ATG12: variants seen among roughly 807,000 people sequenced by gnomAD.
The protein encoded by ATG12 is autophagy related 12.
ATG12 carries 19 observed loss-of-function variants against 17.6 expected under a neutral mutation model. The ratio of observed to expected loss-of-function variants is 1.08; its 90% CI spans 0.75 to 1.58. The LOEUF (loss-of-function observed/expected upper bound fraction) is 1.58. Among genes scored for constraint, ATG12 ranks in the 40% most tolerant of loss-of-function variants. The pLI is 0.00. For missense variants in ATG12, 214 were observed against 162.0 expected (o/e 1.32, Z -1.74); for synonymous variants, 75 against 62.4 (o/e 1.20, Z -0.95).
Position 115,841,069 on chromosome 5 carries a change from C to A in ATG12, c.163+321G>T, listed in dbSNP as rs1761419633. 7.5e-6 allele frequency: 3 copies of A among 399,618 alleles called. No individual in the cohort carries two copies. In the Admixed American group the frequency reaches 1.1e-4, roughly 15 times the overall value. 24.8% of individuals were successfully genotyped at this position (399,618 alleles called of 1,614,324 possible). A position where few individuals can be genotyped will look rare whatever the true frequency, so the allele number is the denominator to read the frequency against. The stretch of plus-strand genomic sequence containing the variant: ...CTCCTGTGTTAAGTACCTGGAATTA[C>A]CGAGACCCCCCTCCCCCCGCCCCAC... On this transcript the variant is annotated intron_variant, in intron 1 of 3. Coordinates refer to ENST00000509910, the MANE Select transcript of ATG12 (RefSeq NM_004707.4).
chr5:115,838,128 G>C, intron 1 of ATG12: 1 of 172,842 alleles, frequency 5.8e-6, no homozygotes, highest in Non-Finnish European at 1.2e-5. Flanking sequence ...TACCAGTGTA[G>C]ATGATACTAC....
chr5:115,836,226 G>C (rs898131053), intron 2 of ATG12, among the ~76,000 whole-genome samples: 3 of 152,102 alleles, frequency 2.0e-5, no homozygotes, highest in Non-Finnish European at 4.4e-5. Context: ...AATTTTATAT[G>C]GTTCAACCTA....
chr5:115,837,781 A>C lies in ATG12; in HGVS notation c.164-17T>G. On this transcript the variant is annotated splice_polypyrimidine_tract_variant and intron_variant, in intron 1 of 3. Transcript: ENST00000509910. The stretch of plus-strand genomic sequence containing the variant: ...AAATGTCAACTGTAAAAGAAGAATA[A>C]AATTTACTGACAATTACACTGAAAC... 1.9e-6 allele frequency: 3 copies of C among 1,579,972 alleles called. No individual in the cohort carries two copies. Among genetic ancestry groups the C allele is most frequent in the Non-Finnish European group, 2.6e-6 (3 of 1,167,522 alleles).
intron 2 of ATG12, 48 bp downstream of exon 2, chr5:115,837,579 AG>A: frequency 6.3e-7 from 1 of 1,599,098 alleles, no homozygotes; most frequent in Non-Finnish European, 8.5e-7. Flanking sequence ...ACTGTTGCCT[AG>A]GAACTACTGC....
Position 115,832,614 on chromosome 5 carries a change from T to C in ATG12, c.351A>G (p.Gly117=). The change falls in exon 3 of 4, where the codon GGA becomes GGG. Residue 117 remains glycine (G), a synonymous_variant. Transcript: ENST00000509910. ...SFAPSPDQEV[G]TLYECFGSDG... ...TTTTTTTTTTTACCTCATAGAGAGT[T>C]CCAACTTCTTGGTCTGGGGAAGGAG... The C allele has an allele frequency of 7.5e-7, 1 of 1,330,946 alleles. No homozygotes were observed. Among genetic ancestry groups the C allele is most frequent in the Non-Finnish European group, 1.0e-6 (1 of 985,724 alleles). The allele number at this position is 1,330,946 out of a possible 1,614,324, so 82.4% of individuals were successfully genotyped here.
At chr5:115,834,010 A>G (rs1168784899) in intron 2 of ATG12, 1 of 152,204 alleles carries the variant, frequency 6.6e-6, no homozygotes, top group African/African-American at 2.4e-5. Flanking sequence ...ACACACATGA[A>G]TAAATACGGG....
intron 3 of ATG12, among the ~76,000 whole-genome samples, chr5:115,832,392 AAT>A (rs1170904417): frequency 6.6e-6 from 1 of 152,032 alleles, no homozygotes. Context: ...ATAATTTATT[AAT>A]ATCTTTCTAT....
intron 1 of ATG12, among the ~76,000 whole-genome samples, chr5:115,839,694 T>C (rs758602716): frequency 5.9e-5 from 9 of 152,220 alleles, no homozygotes; most frequent in Non-Finnish European, 1.2e-4. Context: ...AAACCTAACA[T>C]ACCTCCAGTG....
intron 2 of ATG12, among the ~76,000 whole-genome samples, chr5:115,836,560 A>G (rs1028259660): frequency 5.3e-5 from 8 of 152,324 alleles, no homozygotes; most frequent in African/African-American, 1.9e-4. Context: ...CCTGACAAAA[A>G]GAAATTCCAA....
At chr5:115,831,915 T>C in intron 3 of ATG12, 52 bp from the exon 4 acceptor site, 1 of 1,529,794 alleles carries the variant, frequency 6.5e-7, no homozygotes, top group Non-Finnish European at 8.9e-7. Flanking sequence ...TATTCTTAGA[T>C]GAAACTAAGA....
rs1760716177 is a variant in ATG12 at position 115,828,230 on chromosome 5, T to G, written c.*3574A>C. Reference sequence around the variant, plus strand: ...CTCTTATGAGCTTTATTAGTGTTATTCCAATATTTAGGACATAGTAGGCAC... The same window carrying G: ...CTCTTATGAGCTTTATTAGTGTTATGCCAATATTTAGGACATAGTAGGCAC... On this transcript the variant is annotated 3_prime_UTR_variant, in exon 4 of 4. Coordinates refer to ENST00000509910, the MANE Select transcript of ATG12 (RefSeq NM_004707.4). 2 of 152,164 alleles carry G rather than the reference T, an allele frequency of 1.3e-5. No homozygotes were observed. Among genetic ancestry groups the G allele is most frequent in the South Asian group, 4.1e-4 (2 of 4,826 alleles). 9.4% of individuals were successfully genotyped at this position (152,164 alleles called of 1,614,324 possible).
intron 1 of ATG12, chr5:115,841,014 A>G: frequency 3.3e-6 from 2 of 602,158 alleles, no homozygotes; most frequent in South Asian, 1.6e-5. Flanking sequence ...GACCACCCCT[A>G]CCACCATAAA....
At chr5:115,835,692 A>G (rs998037567) in intron 2 of ATG12, among the ~76,000 whole-genome samples, 1 of 152,136 alleles carries the variant, frequency 6.6e-6, no homozygotes, top group Admixed American at 6.5e-5. Context: ...GTCAGCTTCT[A>G]TTCTTAAATT....
intron 2 of ATG12, chr5:115,833,664 CG>C (rs1310338676): frequency 1.3e-5 from 2 of 152,096 alleles, no homozygotes; most frequent in Admixed American, 1.3e-4. Flanking sequence ...ACTCAATAGA[CG>C]TTATTGTTAA....
Position 115,841,537 on chromosome 5 carries a change from GCGGCT to G in ATG12, c.11_15del (p.Glu4AlafsTer51). The G allele has an allele frequency of 1.2e-6, 2 of 1,613,626 alleles. No homozygotes were observed. Among genetic ancestry groups the G allele is most frequent in the Non-Finnish European group, 1.7e-6 (2 of 1,179,828 alleles). Reference sequence around the variant, plus strand: ...GAAGTAGGAAGCTGCAACACAGACTGCGGCTCCTCCGCCATCTTGCTTGGAGACAC... The same window carrying G: ...GAAGTAGGAAGCTGCAACACAGACTGCCTCCGCCATCTTGCTTGGAGACAC... On this transcript the variant is annotated frameshift_variant, in exon 1 of 4. Coordinates refer to ENST00000509910, the MANE Select transcript of ATG12 (RefSeq NM_004707.4). LOFTEE classifies it high-confidence loss of function.
At position 115,832,571 on chromosome 5, in the gene ATG12, CTTTTTTTT is replaced by C. The variant is rs35310189; in HGVS notation, c.363+23_363+30del. 7.1e-3 allele frequency: 5,711 copies of C among 800,820 alleles called. 9 individuals are homozygous for C. Among genetic ancestry groups the C allele is most frequent in the Middle Eastern group, 9.7e-3 (18 of 1,850 alleles). The allele number at this position is 800,820 out of a possible 1,614,324, so 49.6% of individuals were successfully genotyped here. A position where few individuals can be genotyped will look rare whatever the true frequency, so the allele number is the denominator to read the frequency against. ...AAGAAAAAAAAGCAGTAATTTCTTT[CTTTTTTTT>C]TTTTTTTTTTTTTTTTTTTTACCTC... is the stretch of plus-strand genomic sequence containing the variant. On this transcript the variant is annotated intron_variant, in intron 3 of 3. Transcript: ENST00000509910.
At chr5:115,840,921 G>C in intron 1 of ATG12, 1 of 1,284,050 alleles carries the variant, frequency 7.8e-7, no homozygotes, top group Non-Finnish European at 1.0e-6. Flanking sequence ...TTTAAGGAGT[G>C]AATTCACAAC....
At chr5:115,832,208 T>C (rs906503220) in intron 3 of ATG12, among the ~76,000 whole-genome samples, 7 of 152,166 alleles carry the variant, frequency 4.6e-5, no homozygotes, top group South Asian at 2.1e-4. Context: ...CTCTGTAAGA[T>C]GTTAAACAGT....
At chr5:115,832,791 A>C in intron 2 of ATG12, 127 bp from the exon 3 acceptor site, 1 of 859,972 alleles carries the variant, frequency 1.2e-6, no homozygotes, top group Non-Finnish European at 1.7e-6. Context: ...CTGAACTCCT[A>C]ACTTTTCTAA....
Sources: gnomAD v4.1 joint callset for allele counts (sites outside exome capture counted in the v4.1 genomes callset) on GRCh38, gnomAD v4.1.1 for gene constraint, MANE v1.5 for transcripts, NCBI Gene and HGNC (gene_info 2026-07-23, HGNC 2026-07-21) for gene names.